The following KIAA0586 variants were observed in gnomAD, a reference collection of about 807,000 sequenced individuals.
KIAA0586 encodes the protein KIAA0586, also known as protein TALPID3.
In KIAA0586, 144 loss-of-function variants were observed where a neutral mutation model predicts 169.8. The observed-to-expected ratio is 0.85, with a 90% CI of 0.74 to 0.97. The LOEUF is 0.97. Among genes scored for constraint, KIAA0586 ranks in the 50% least tolerant of loss-of-function variants. KIAA0586 has a pLI of 0.00. For synonymous variants in KIAA0586, 625 were observed against 612.4 expected (o/e 1.02, Z -0.30); for missense variants, 1,854 against 1,823.0 (o/e 1.02, Z -0.31).
chr14:58,494,368 C>T (rs1255636559), intron 26 of KIAA0586, among the ~76,000 whole-genome samples: 4 of 134,896 alleles, frequency 3.0e-5, no homozygotes, highest in Non-Finnish European at 3.2e-5. Context: ...CTTTTCTTAT[C>T]GCCTACTCTG....
chr14:58,461,236 T>C, intron 14 of KIAA0586, 76 bp downstream of exon 14: 1 of 1,045,400 alleles, frequency 9.6e-7, no homozygotes, highest in Non-Finnish European at 1.3e-6. Context: ...TCTTTTTGCT[T>C]TTTATTTATT....
intron 7 of KIAA0586, among the ~76,000 whole-genome samples, chr14:58,450,233 T>C (rs1284173290): frequency 1.3e-5 from 2 of 152,194 alleles, no homozygotes; most frequent in Admixed American, 6.5e-5. Flanking sequence ...AAGAGTAAGA[T>C]TACTAGGTTA....
the KIAA0586 span, among the ~76,000 whole-genome samples, chr14:58,558,570 G>C: frequency 6.6e-6 from 1 of 152,208 alleles, no homozygotes; most frequent in African/African-American, 2.4e-5. Context: ...AGGTCCTCAA[G>C]TCTGATGATT....
intron 30 of KIAA0586, 104 bp from the exon 31 acceptor site, chr14:58,547,677 A>C: frequency 1.0e-6 from 1 of 959,710 alleles, no homozygotes; most frequent in Non-Finnish European, 1.6e-6. Context: ...CCTTATTTGG[A>C]ATCCGCGCCC....
intron 29 of KIAA0586, chr14:58,537,252 G>A (rs191219736): frequency 7.8e-5 from 70 of 891,784 alleles, no homozygotes; most frequent in Admixed American, 5.4e-4. Context: ...CTGTTAAGAC[G>A]TATCACTGCA....
Position 58,460,071 on chromosome 14 carries a change from G to T in KIAA0586, c.1884+1G>T, listed in dbSNP as rs1238313349. On this transcript the variant is annotated splice_donor_variant, in intron 13 of 30. Transcript: ENST00000652326. LOFTEE classifies it high-confidence loss of function. Reference sequence around the variant, plus strand: ...AAGTTTACAGAAAGAGAGAAAGGAAGTAAGATCCTAATCTGTTCTTTTAAC... The same window carrying T: ...AAGTTTACAGAAAGAGAGAAAGGAATTAAGATCCTAATCTGTTCTTTTAAC... 3 of 1,435,838 alleles carry T rather than the reference G, an allele frequency of 2.1e-6. No individual in the cohort carries two copies. Among genetic ancestry groups the T allele is most frequent in the Non-Finnish European group, 2.8e-6 (3 of 1,061,132 alleles). 88.9% of individuals were successfully genotyped at this position (1,435,838 alleles called of 1,614,324 possible).
chr14:58,454,506 T>A (rs2039662165), intron 9 of KIAA0586, among the ~76,000 whole-genome samples: 1 of 152,202 alleles, frequency 6.6e-6, no homozygotes, highest in South Asian at 2.1e-4. Flanking sequence ...AACAGTACTC[T>A]ATTTCTTCAT....
At chr14:58,561,630 G>A in the KIAA0586 span, among the ~76,000 whole-genome samples, 1 of 152,114 alleles carries the variant, frequency 6.6e-6, no homozygotes, top group Non-Finnish European at 1.5e-5. Context: ...CCTAGGATGA[G>A]AATTAATTAA....
intron 14 of KIAA0586, chr14:58,464,225 G>A (rs2040559229): frequency 9.7e-6 from 3 of 310,596 alleles, no homozygotes; most frequent in South Asian, 8.6e-5. Context: ...GCCAAGAGAA[G>A]ACTGAATGGC....
chr14:58,485,469 A>G lies in KIAA0586; in HGVS notation c.3145-1538A>G, dbSNP rs907118127. On this transcript the variant is annotated intron_variant, in intron 21 of 30. Coordinates refer to ENST00000652326, the MANE Select transcript of KIAA0586 (RefSeq NM_001329943.3). The stretch of plus-strand genomic sequence containing the variant: ...ATATAGTAAAATCTTGTAGTAGGAA[A>G]TCTGGCAATATCTATTCAAATTAAA... 2.6e-5 allele frequency among the ~76,000 whole-genome samples: 4 copies of G among 152,188 alleles called. No individual in the cohort carries two copies. The South Asian group carries it at 8.3e-4, about 32-fold the overall frequency.
In KIAA0586 at chr14:58,459,949, A is replaced by T; in HGVS notation, c.1763A>T (p.Asp588Val). ...MTKDIRTNTQ[D>V]KTVNKSVIPR... ...AAAGATATTAGAACCAACACACAAG[A>T]TAAAACTGTCAACAAATCTGTAATT... The change falls in exon 13 of 31, where the codon GAT becomes GTT. Residue 588 changes from aspartate to valine, a missense_variant. Asp to Val is a radical substitution (Grantham distance 152, BLOSUM62 -3). Transcript: ENST00000652326. 1 of 1,533,506 alleles carries T rather than the reference A, an allele frequency of 6.5e-7. No homozygotes were observed. The highest frequency in any genetic ancestry group is 1.2e-5 in the South Asian group (1 of 83,974). The allele number at this position is 1,533,506 out of a possible 1,614,324, so 95.0% of individuals were successfully genotyped here.
chr14:58,440,667 C>T (rs898181510), intron 4 of KIAA0586, among the ~76,000 whole-genome samples: 2 of 152,158 alleles, frequency 1.3e-5, no homozygotes, highest in Non-Finnish European at 1.5e-5. Flanking sequence ...ATCTAAATGA[C>T]CTAGAATTCA....
At chr14:58,467,968 T>G (rs1042153202) in intron 16 of KIAA0586, 46 bp downstream of exon 16, 2 of 1,429,792 alleles carry the variant, frequency 1.4e-6, no homozygotes, top group African/African-American at 1.4e-5. Flanking sequence ...AGAAAAAATT[T>G]TTTTGCTTAA....
At chr14:58,560,624 T>C in the KIAA0586 span, among the ~76,000 whole-genome samples, 2 of 152,346 alleles carry the variant, frequency 1.3e-5, no homozygotes, top group South Asian at 4.1e-4. Flanking sequence ...AGGCCTTTTA[T>C]TGTCTTGCAT....
At chr14:58,447,440 GATATT>G (rs1340876369) in intron 6 of KIAA0586, among the ~76,000 whole-genome samples, 2 of 111,744 alleles carry the variant, frequency 1.8e-5, no homozygotes, top group Non-Finnish European at 3.9e-5. Flanking sequence ...GCTCATTTCA[GATATT>G]TTATTTTATT....
chr14:58,452,647 T>C (rs1187340390), intron 8 of KIAA0586, among the ~76,000 whole-genome samples: 2 of 152,204 alleles, frequency 1.3e-5, no homozygotes, highest in Non-Finnish European at 2.9e-5. Flanking sequence ...TTTTCTGTGA[T>C]GGAAATAAAT....
intron 14 of KIAA0586, among the ~76,000 whole-genome samples, chr14:58,465,613 G>C (rs926970915): frequency 2.0e-5 from 3 of 152,122 alleles, no homozygotes; most frequent in African/African-American, 7.2e-5. Context: ...CAGCAGAACT[G>C]AGTCATTACA....
intron 20 of KIAA0586, among the ~76,000 whole-genome samples, chr14:58,480,345 TTAA>T (rs761907650): frequency 7.3e-5 from 1 of 13,770 alleles, no homozygotes; most frequent in Non-Finnish European, 2.5e-4. Context: ...TCTTCCTCTT[TTAA>T]AAAAAAAAAA....
intron 29 of KIAA0586, chr14:58,537,054 G>A: frequency 7.9e-7 from 1 of 1,268,646 alleles, no homozygotes; most frequent in Non-Finnish European, 1.0e-6. Flanking sequence ...AACTTGAGAA[G>A]CAGTTTTCAA....
Sources: allele counts gnomAD v4.1 joint callset (sites outside exome capture counted in the v4.1 genomes callset), GRCh38; gene constraint gnomAD v4.1.1; transcripts MANE v1.5; gene names NCBI Gene and HGNC (gene_info 2026-07-23, HGNC 2026-07-21).